The following MAP10 variants were observed in gnomAD, a reference collection of about 807,000 sequenced individuals.
The protein encoded by MAP10 is microtubule associated protein 10.
Under a neutral mutation model 6.3 loss-of-function variants are expected in MAP10, and 10 were observed. The ratio of observed to expected loss-of-function variants is 1.58; its 90% CI spans 0.98 to 2.69. The LOEUF (loss-of-function observed/expected upper bound fraction) is 2.69, where lower values mean the gene tolerates loss of function less well. MAP10 is among the 30% of genes most tolerant of loss of function. The pLI, the probability that MAP10 is intolerant of heterozygous loss-of-function variation, is 0.00. For synonymous variants in MAP10, 459 were observed against 429.3 expected, an observed-to-expected ratio of 1.07 and a Z score of -0.86; for missense variants, 1,189 against 1,086.5, an observed-to-expected ratio of 1.09 and a Z score of -1.33.
Position 232,805,960 on chromosome 1 carries a change from C to T in MAP10, c.511C>T (p.Arg171Trp), listed in dbSNP as rs745700771. Residue 171 changes from arginine to tryptophan, a missense_variant, in exon 1 of 1, where the codon CGG becomes TGG. Physicochemically the swap from Arg to Trp is moderately radical, Grantham distance 101. Transcript: ENST00000418460. ...RFPLHNRVGERTGDIALAYRL... is the reference protein window; with the variant it reads ...RFPLHNRVGEWTGDIALAYRL... ...CCCCCTGCATAATCGAGTGGGCGAG[C>T]GGACTGGGGACATTGCACTGGCCTA... 40 of 1,612,968 alleles carry T rather than the reference C, an allele frequency of 2.5e-5. No homozygotes were observed. Among genetic ancestry groups the T allele is most frequent in the African/African-American group, 4.0e-5 (3 of 74,934 alleles).
In MAP10 at chr1:232,808,013, T is replaced by C. The variant is rs367744440; in HGVS notation, c.2564T>C (p.Leu855Pro). Residue 855 changes from leucine to proline, a missense_variant, in exon 1 of 1, where the codon CTG becomes CCG. Leu to Pro is a moderately conservative substitution (Grantham distance 98, BLOSUM62 -3). Coordinates refer to ENST00000418460, the MANE Select transcript of MAP10 (RefSeq NM_019090.3). The part of the protein sequence containing the change: ...SPQTSQVSSY[L>P]PSNVSELNVL... ...CAAACATCCCAGGTGAGTTCTTACCTGCCTTCAAATGTGTCCGAACTTAAT... is the reference window on the plus strand; with the variant it reads ...CAAACATCCCAGGTGAGTTCTTACCCGCCTTCAAATGTGTCCGAACTTAAT... 45 of 1,613,534 alleles carry C rather than the reference T, an allele frequency of 2.8e-5. No homozygotes were observed. The highest frequency in any genetic ancestry group is 3.6e-5 in the Non-Finnish European group (43 of 1,179,548).
chr1:232,809,067 G>C lies in MAP10; in HGVS notation c.*900G>C, dbSNP rs1666155765. ...ATATTTGGAAAGGGAAACTTAAGAA[G>C]GTATCTTTTATACAGTTTCTGATAT... On this transcript the variant is annotated 3_prime_UTR_variant, in exon 1 of 1. Coordinates refer to ENST00000418460, the MANE Select transcript of MAP10 (RefSeq NM_019090.3). Among the ~76,000 whole-genome samples, 1 of 151,996 alleles carries C rather than the reference G, an allele frequency of 6.6e-6. No homozygotes were observed. The highest frequency in any genetic ancestry group is 1.5e-5 in the Non-Finnish European group (1 of 67,928).
Position 232,805,835 on chromosome 1 carries a change from C to G in MAP10, c.386C>G (p.Pro129Arg), listed in dbSNP as rs764436117. 1.3e-6 allele frequency: 2 copies of G among 1,590,960 alleles called. No individual in the cohort carries two copies. The highest frequency in any genetic ancestry group is 1.7e-4 in the Middle Eastern group (1 of 5,930). ...CCCCCTGGGCGCCCGACGCCCACCC[C>G]ACAGCTCCTGGGGGCCTGCGACATT... ...QLPPGRPTPTPQLLGACDISL... is the reference protein window; with the variant it reads ...QLPPGRPTPTRQLLGACDISL... Residue 129 changes from proline (P) to arginine (R), a missense_variant, in exon 1 of 1, where the codon CCA (proline) becomes CGA (arginine). Physicochemically the swap from Pro to Arg is moderately radical, Grantham distance 103. Transcript: ENST00000418460.
rs1453562450 is a variant in MAP10, at chr1:232,806,807, C to T, written c.1358C>T (p.Ser453Phe). ...CRSEAKKDKR[S>F]VGGCEKSVSL... is the part of the protein sequence containing the mutation. ...TCTGAAGCCAAGAAGGATAAGCGTTCTGTGGGGGGATGTGAAAAGTCAGTG... is the reference window on the plus strand; with the variant it reads ...TCTGAAGCCAAGAAGGATAAGCGTTTTGTGGGGGGATGTGAAAAGTCAGTG... The change falls in exon 1 of 1, where the codon TCT (serine) becomes TTT (phenylalanine). Residue 453 changes from serine to phenylalanine, a missense_variant. Transcript: ENST00000418460. 1.2e-6 allele frequency: 2 copies of T among 1,613,388 alleles called. No individual in the cohort carries two copies. The highest frequency in any genetic ancestry group is 1.7e-5 in the Admixed American group (1 of 59,900).
chr1:232,809,742 C>G lies in MAP10; in HGVS notation c.*1575C>G, dbSNP rs1233736286. Among the ~76,000 whole-genome samples the G allele has an allele frequency of 6.6e-6, 1 of 151,958 alleles. No homozygotes were observed. The highest frequency in any genetic ancestry group is 1.5e-5 in the Non-Finnish European group (1 of 67,918). On this transcript the variant is annotated 3_prime_UTR_variant, in exon 1 of 1. Transcript: ENST00000418460. The stretch of plus-strand genomic sequence containing the variant: ...TAAAGTTTTGAGATATGAAAGGTTT[C>G]TGTGGCTAGTGGCTATGATCTTAAT...
Position 232,809,326 on chromosome 1 carries a change from C to T in MAP10, c.*1159C>T, listed in dbSNP as rs1189681926. 1.3e-5 allele frequency among the ~76,000 whole-genome samples: 2 copies of T among 151,718 alleles called. No homozygotes were observed. Among genetic ancestry groups the T allele is most frequent in the Non-Finnish European group, 2.9e-5 (2 of 67,846 alleles). On this transcript the variant is annotated 3_prime_UTR_variant, in exon 1 of 1. Transcript: ENST00000418460. Reference sequence around the variant, plus strand: ...ATGTATGAAGTGAGGTTCTAATTTCCTTTCTTTAAAGGTAATTAATTATAT... The same window carrying T: ...ATGTATGAAGTGAGGTTCTAATTTCTTTTCTTTAAAGGTAATTAATTATAT...
At position 232,805,743 on chromosome 1, in the gene MAP10, CCTGCAG is replaced by C; in HGVS notation, c.296_301del (p.Leu99_Gln100del). The C allele has an allele frequency of 6.2e-7, 1 of 1,604,920 alleles. No individual in the cohort carries two copies. Among genetic ancestry groups the C allele is most frequent in the Non-Finnish European group, 8.5e-7 (1 of 1,179,070 alleles). The stretch of plus-strand genomic sequence containing the variant: ...GTCGCGGCAAGTCCTGCCTCTTCCG[CCTGCAG>C]CCTGCTACCCTGCACTGCCGGCTCC... On this transcript the variant is annotated inframe_deletion, in exon 1 of 1. Coordinates refer to ENST00000418460, the MANE Select transcript of MAP10 (RefSeq NM_019090.3).
rs2102964589 is a variant in MAP10, at chr1:232,807,365, A to G, written c.1916A>G (p.Asn639Ser). 2 of 1,613,924 alleles carry G rather than the reference A, an allele frequency of 1.2e-6. No individual in the cohort carries two copies. Reference protein sequence around the residue: ...RLTPTNILGGNVEMKIQSPCV... With the variant: ...RLTPTNILGGSVEMKIQSPCV... ...ACCCCTACAAATATTCTGGGAGGAAATGTGGAAATGAAAATCCAAAGTCCA... is the reference window on the plus strand; with the variant it reads ...ACCCCTACAAATATTCTGGGAGGAAGTGTGGAAATGAAAATCCAAAGTCCA... Residue 639 changes from asparagine (N) to serine (S), a missense_variant, in exon 1 of 1, where the codon AAT becomes AGT. Asn to Ser is a conservative substitution (Grantham distance 46). Transcript: ENST00000418460.
Position 232,808,397 on chromosome 1 carries a change from GTCTT to G in MAP10, c.*234_*237del. ...TGTTTAATCATAAGAATAAAAGTGTGTCTTTCTAAATTGTCTCTCTTAAAGTGTC... is the reference window on the plus strand; with the variant it reads ...TGTTTAATCATAAGAATAAAAGTGTGTCTAAATTGTCTCTCTTAAAGTGTC... On this transcript the variant is annotated 3_prime_UTR_variant, in exon 1 of 1. Transcript: ENST00000418460. The G allele has an allele frequency of 2.8e-6, 1 of 361,328 alleles. No homozygotes were observed. The allele number at this position is 361,328 out of a possible 1,614,324, so 22.4% of individuals were successfully genotyped here.
At chr1:232,805,837 C>T in the MAP10 span, 1 of 1,590,640 alleles carries the variant, frequency 6.3e-7, no homozygotes, top group South Asian at 1.1e-5. Flanking sequence ...GCCCACCCCA[C>T]AGCTCCTGGG....
At position 232,805,693 on chromosome 1, in the gene MAP10, C is replaced by A. The variant is rs758320080; in HGVS notation, c.244C>A (p.Pro82Thr). The A allele has an allele frequency of 6.2e-7, 1 of 1,604,288 alleles. No individual in the cohort carries two copies. Among genetic ancestry groups the A allele is most frequent in the South Asian group, 1.1e-5 (1 of 90,798 alleles). ...CGGCCCCGGCGCTCCCGCCGCCGAACCGTGGCCCGGTGTCATCCGCTTCGG... is the reference window on the plus strand; with the variant it reads ...CGGCCCCGGCGCTCCCGCCGCCGAAACGTGGCCCGGTGTCATCCGCTTCGG... The part of the protein sequence containing the change: ...PDGPGAPAAE[P>T]WPGVIRFGRG... The change falls in exon 1 of 1, where the codon CCG (proline) becomes ACG (threonine). Residue 82 changes from proline to threonine, a missense_variant. By Grantham distance (38) the Pro-to-Thr change is conservative. Transcript: ENST00000418460.
chr1:232,805,681 C>G lies in MAP10; in HGVS notation c.232C>G (p.Pro78Ala). 2 of 1,602,324 alleles carry G rather than the reference C, an allele frequency of 1.2e-6. No homozygotes were observed. Among genetic ancestry groups the G allele is most frequent in the Non-Finnish European group, 1.7e-6 (2 of 1,178,184 alleles). The change falls in exon 1 of 1, where the codon CCC becomes GCC. Residue 78 changes from proline (P) to alanine (A), a missense_variant. Transcript: ENST00000418460. ...LVYPPDGPGA[P>A]AAEPWPGVIR... ...TTACCCTCCTGACGGCCCCGGCGCT[C>G]CCGCCGCCGAACCGTGGCCCGGTGT...
Position 232,807,725 on chromosome 1 carries a change from G to T in MAP10, c.2276G>T (p.Ser759Ile), listed in dbSNP as rs1666133779. ...VSKKKNSSDR[S>I]SILSPPFSAG... ...AAAAAGAAAAATAGTAGTGACAGGAGTTCTATCCTTAGCCCACCTTTTTCA... is the reference window on the plus strand; with the variant it reads ...AAAAAGAAAAATAGTAGTGACAGGATTTCTATCCTTAGCCCACCTTTTTCA... The change falls in exon 1 of 1, where the codon AGT (serine) becomes ATT (isoleucine). Residue 759 changes from serine to isoleucine, a missense_variant. Physicochemically the swap from Ser to Ile is moderately radical, Grantham distance 142 (BLOSUM62 -2). Coordinates refer to ENST00000418460, the MANE Select transcript of MAP10 (RefSeq NM_019090.3). 2 of 1,613,524 alleles carry T rather than the reference G, an allele frequency of 1.2e-6. No homozygotes were observed. The highest frequency in any genetic ancestry group is 1.7e-6 in the Non-Finnish European group (2 of 1,179,744).
Position 232,809,030 on chromosome 1 carries a change from G to A in MAP10, c.*863G>A, listed in dbSNP as rs899388563. Reference sequence around the variant, plus strand: ...TTTGCTTGGTATAAATAGCCTTCAGGTGTTCTCTGAAATATTTGGAAAGGG... The same window carrying A: ...TTTGCTTGGTATAAATAGCCTTCAGATGTTCTCTGAAATATTTGGAAAGGG... On this transcript the variant is annotated 3_prime_UTR_variant, in exon 1 of 1. Coordinates refer to ENST00000418460, the MANE Select transcript of MAP10 (RefSeq NM_019090.3). Among the ~76,000 whole-genome samples, 18 of 152,052 alleles carry A rather than the reference G, an allele frequency of 1.2e-4. No homozygotes were observed. Among genetic ancestry groups the A allele is most frequent in the Non-Finnish European group, 2.5e-4 (17 of 67,942 alleles).
Position 232,807,136 on chromosome 1 carries a change from T to A in MAP10, c.1687T>A (p.Leu563Ile). ...GCCACAACTGCCTGAAGATAAGTAT[T>A]TAGATTCAGATGCATCTTTCACTGA... ...QKPQLPEDKY[L>I]DSDASFTENS... is the part of the protein sequence containing the mutation. Residue 563 changes from leucine to isoleucine, a missense_variant, in exon 1 of 1, where the codon TTA (leucine) becomes ATA (isoleucine). Coordinates refer to ENST00000418460, the MANE Select transcript of MAP10 (RefSeq NM_019090.3). 6.2e-7 allele frequency: 1 copy of A among 1,612,188 alleles called. No homozygotes were observed. Among genetic ancestry groups the A allele is most frequent in the Non-Finnish European group, 8.5e-7 (1 of 1,179,006 alleles).
At position 232,806,071 on chromosome 1, in the gene MAP10, A is replaced by T; in HGVS notation, c.622A>T (p.Ser208Cys). Residue 208 changes from serine to cysteine, a missense_variant, in exon 1 of 1, where the codon AGT (serine) becomes TGT (cysteine). Ser to Cys is a moderately radical substitution (Grantham distance 112, BLOSUM62 -1). Coordinates refer to ENST00000418460, the MANE Select transcript of MAP10 (RefSeq NM_019090.3). ...CCGCACAGGAGGAGGAGCGGAGGTCAGTCCCCAAACCCAGCAGGAAAGACA... is the reference window on the plus strand; with the variant it reads ...CCGCACAGGAGGAGGAGCGGAGGTCTGTCCCCAAACCCAGCAGGAAAGACA... ...FTRTGGGAEV[S>C]PQTQQERQQL... 6.2e-7 allele frequency: 1 copy of T among 1,614,034 alleles called. No homozygotes were observed. Among genetic ancestry groups the T allele is most frequent in the South Asian group, 1.1e-5 (1 of 91,074 alleles).
At position 232,807,556 on chromosome 1, in the gene MAP10, G is replaced by A. The variant is rs1457761281; in HGVS notation, c.2107G>A (p.Asp703Asn). 1 of 1,612,702 alleles carries A rather than the reference G, an allele frequency of 6.2e-7. No homozygotes were observed. Among genetic ancestry groups the A allele is most frequent in the Non-Finnish European group, 8.5e-7 (1 of 1,179,226 alleles). Reference sequence around the variant, plus strand: ...CATCTCAGAACTGAAGTATTCAGATGATTTGTCTAGCCCTTGCTATTCTGA... The same window carrying A: ...CATCTCAGAACTGAAGTATTCAGATAATTTGTCTAGCCCTTGCTATTCTGA... Reference protein sequence around the residue: ...ENISELKYSDDLSSPCYSEDF... With the variant: ...ENISELKYSDNLSSPCYSEDF... Residue 703 changes from aspartate to asparagine, a missense_variant, in exon 1 of 1, where the codon GAT becomes AAT. By Grantham distance (23) the Asp-to-Asn change is conservative. Coordinates refer to ENST00000418460, the MANE Select transcript of MAP10 (RefSeq NM_019090.3).
Position 232,805,554 on chromosome 1 carries a change from GGAGGAGGAA to G in MAP10, c.115_123del (p.Glu39_Glu41del), listed in dbSNP as rs770285325. Reference sequence around the variant, plus strand: ...CGTCCCCCGCTGCCGCAGTGGAGCAGGAGGAGGAAGAGGAGGAAAAGGAGCAGGGGGAGG... The same window carrying G: ...CGTCCCCCGCTGCCGCAGTGGAGCAGGAGGAGGAAAAGGAGCAGGGGGAGG... On this transcript the variant is annotated inframe_deletion, in exon 1 of 1. Transcript: ENST00000418460. 55 of 1,559,438 alleles carry G rather than the reference GGAGGAGGAA, an allele frequency of 3.5e-5. No homozygotes were observed. In the Admixed American group the frequency reaches 3.7e-4, roughly 10 times the overall value.
chr1:232,807,563 C>G lies in MAP10; in HGVS notation c.2114C>G (p.Ser705Cys), dbSNP rs563084440. The G allele has an allele frequency of 1.2e-6, 2 of 1,611,784 alleles. No individual in the cohort carries two copies. The highest frequency in any genetic ancestry group is 1.7e-6 in the Non-Finnish European group (2 of 1,178,826). Reference protein sequence around the residue: ...ISELKYSDDLSSPCYSEDFCT... With the variant: ...ISELKYSDDLCSPCYSEDFCT... ...GAACTGAAGTATTCAGATGATTTGT[C>G]TAGCCCTTGCTATTCTGAAGATTTC... The change falls in exon 1 of 1, where the codon TCT (serine) becomes TGT (cysteine). Residue 705 changes from serine (S) to cysteine (C), a missense_variant. Physicochemically the swap from Ser to Cys is moderately radical, Grantham distance 112. Transcript: ENST00000418460.
Sources: gnomAD v4.1 joint callset for allele counts (sites outside exome capture counted in the v4.1 genomes callset) on GRCh38, gnomAD v4.1.1 for gene constraint, MANE v1.5 for transcripts, NCBI Gene and HGNC (gene_info 2026-07-23, HGNC 2026-07-21) for gene names.